Variants in MYH7B observed in about 807,000 individuals in gnomAD.
MYH7B encodes the protein myosin heavy chain 7B.
Under a neutral mutation model 234.5 loss-of-function variants are expected in MYH7B, and 205 were observed. That is an observed-to-expected ratio of 0.87 (90% CI 0.78 to 0.98). MYH7B has a LOEUF of 0.98. Among genes scored for constraint, MYH7B ranks in the 50% least tolerant of loss-of-function variants. The pLI is 0.00. For synonymous variants in MYH7B, 1,193 were observed against 1,105.0 expected, an observed-to-expected ratio of 1.08 and a Z score of -1.58; for missense variants, 2,652 against 2,633.4, an observed-to-expected ratio of 1.01 and a Z score of -0.15.
At chr20:34,977,738 G>GGGGGGGGGGGGGGGGCCCC in intron 4 of MYH7B, 58 bp downstream of exon 4, 1 of 317,136 alleles carries the variant, frequency 3.2e-6, no homozygotes, top group Non-Finnish European at 5.9e-6. Flanking sequence ...GGGCGGGTGG[G>GGGGGGGGGGGGGGGGCCCC]TGAGGGTGCC....
rs2082135825 is a variant in MYH7B at position 34,990,987 on chromosome 20, T to C, written c.2066-17T>C. 3 of 1,603,646 alleles carry C rather than the reference T, an allele frequency of 1.9e-6. No homozygotes were observed. Among genetic ancestry groups the C allele is most frequent in the Admixed American group, 3.4e-5 (2 of 59,476 alleles). ...GTGTGCCTGTTGACCTCTGACCTTT[T>C]CCCCTCTCACGTCCAGGGGTCATGG... is the stretch of plus-strand genomic sequence containing the variant. On this transcript the variant is annotated splice_polypyrimidine_tract_variant and intron_variant, in intron 23 of 44. Transcript: ENST00000262873.
At chr20:34,999,643 A>C (rs927982859) in exon 37 of MYH7B, 9 of 1,613,536 alleles carry the variant, frequency 5.6e-6, no homozygotes, top group Non-Finnish European at 5.9e-6. Flanking sequence ...AAAACCAAGA[A>C]GGCGCTGGAA....
chr20:34,985,226 C>T, intron 13 of MYH7B, 97 bp downstream of exon 13: 1 of 1,166,508 alleles, frequency 8.6e-7, no homozygotes, highest in South Asian at 1.3e-5. Context: ...CTCCTGCCTG[C>T]TCTGGGCACT....
Position 34,989,660 on chromosome 20 carries a change from G to C in MYH7B, c.1588-80G>C, listed in dbSNP as rs1043778816. 42 of 1,400,942 alleles carry C rather than the reference G, an allele frequency of 3.0e-5. No individual in the cohort carries two copies. In the African/African-American group the frequency reaches 6.1e-4, roughly 20 times the overall value. 86.8% of individuals were successfully genotyped at this position (1,400,942 alleles called of 1,614,324 possible). ...ATCTGGGAAGGCTCCCAGAAGGGAG[G>C]TGGCCTGGGGAACCAGGGGTTCAGT... On this transcript the variant is annotated intron_variant, in intron 19 of 44. Coordinates refer to ENST00000262873, the Ensembl canonical transcript of MYH7B.
chr20:34,963,879 C>T (rs999885751), intron 2 of MYH7B, among the ~76,000 whole-genome samples: 1 of 152,032 alleles, frequency 6.6e-6, no homozygotes, highest in Non-Finnish European at 1.5e-5. Flanking sequence ...GTGCAGCTTG[C>T]TTTTCTCTTT....
At chr20:34,984,068 C>T (rs2081979944) in intron 10 of MYH7B, among the ~76,000 whole-genome samples, 1 of 152,192 alleles carries the variant, frequency 6.6e-6, no homozygotes, top group Admixed American at 6.5e-5. Context: ...CCCTGCCGCT[C>T]CTGACTTGCT....
chr20:34,997,296 G>T (rs2082279274), exon 32 of MYH7B: 2 of 1,554,484 alleles, frequency 1.3e-6, no homozygotes, highest in Non-Finnish European at 8.7e-7. Flanking sequence ...AGAGCGGGCA[G>T]CCCGGGCCCG....
At chr20:34,997,896 T>C (rs2082294215) in intron 32 of MYH7B, among the ~76,000 whole-genome samples, 1 of 152,062 alleles carries the variant, frequency 6.6e-6, no homozygotes, top group Admixed American at 6.5e-5. Flanking sequence ...GAACCAGCAG[T>C]AGTTGTGACC....
intron 21 of MYH7B, 34 bp downstream of exon 21, chr20:34,990,180 A>G: frequency 1.9e-6 from 3 of 1,614,012 alleles, no homozygotes; most frequent in Non-Finnish European, 2.5e-6. Flanking sequence ...CCACTCTGAC[A>G]GGGGCCCACA....
At chr20:34,977,573 T>TG (rs1203153586) in intron 3 of MYH7B, 59 bp from the exon 4 acceptor site, 35 of 1,521,260 alleles carry the variant, frequency 2.3e-5, no homozygotes, top group Non-Finnish European at 1.3e-5. Context: ...GTGGCCAGGC[T>TG]GGGGGGGCTG....
chr20:34,999,392 C>G lies in MYH7B; in HGVS notation c.4527C>G (p.Asn1509Lys). Residue 1509 changes from asparagine to lysine, a missense_variant, in exon 36 of 45, where the codon AAC becomes AAG. Physicochemically the swap from Asn to Lys is moderately conservative, Grantham distance 94. Coordinates refer to ENST00000262873, the Ensembl canonical transcript of MYH7B. ...CCCTGGAGACGCTCAAGCGGGAGAA[C>G]AAGAACCTGCAGGGTAGGACCTGCC... 1.3e-6 allele frequency: 2 copies of G among 1,519,970 alleles called. No homozygotes were observed. The highest frequency in any genetic ancestry group is 1.8e-6 in the Non-Finnish European group (2 of 1,133,772). The allele number at this position is 1,519,970 out of a possible 1,614,324, so 94.2% of individuals were successfully genotyped here.
chr20:34,992,951 C>A, intron 24 of MYH7B, 151 bp from the exon 25 acceptor site: 1 of 937,170 alleles, frequency 1.1e-6, no homozygotes, highest in Non-Finnish European at 1.6e-6. Flanking sequence ...TGGCATGTGC[C>A]CTGCTGGAAC....
rs1283176188 is a variant in MYH7B at position 35,001,580 on chromosome 20, G to A, written c.5676+54G>A. On this transcript the variant is annotated intron_variant, in intron 43 of 44. Transcript: ENST00000262873. ...ACCGGGCACCCCAGCTCTGCCCCAG[G>A]GTCTGTGGCCAGGTGAGGCATCAGC... 4.7e-6 allele frequency: 7 copies of A among 1,488,916 alleles called. No individual in the cohort carries two copies. In the African/African-American group the frequency reaches 7.0e-5, roughly 15 times the overall value. The allele number at this position is 1,488,916 out of a possible 1,614,324, so 92.2% of individuals were successfully genotyped here. A position where few individuals can be genotyped will look rare whatever the true frequency, so the allele number is the denominator to read the frequency against.
intron 22 of MYH7B, 161 bp downstream of exon 22, chr20:34,990,471 C>A (rs765769051): frequency 6.4e-6 from 6 of 940,074 alleles, no homozygotes. Flanking sequence ...TGTGCTGCTT[C>A]CCGTCCCTAC....
At chr20:34,988,166 T>C in exon 19 of MYH7B, 1 of 1,614,152 alleles carries the variant, frequency 6.2e-7, no homozygotes, top group South Asian at 1.1e-5. Flanking sequence ...AGCACATGTT[T>C]GTGCTGGAGC....
At position 34,996,724 on chromosome 20, in the gene MYH7B, C is replaced by T; in HGVS notation, c.3232C>T (p.Gln1078Ter). 1 of 1,613,150 alleles carries T rather than the reference C, an allele frequency of 6.2e-7. No homozygotes were observed. The highest frequency in any genetic ancestry group is 8.5e-7 in the Non-Finnish European group (1 of 1,179,852). The change falls in exon 30 of 45, where the codon CAA becomes TAA. Residue 1078 changes from glutamine to a stop codon, truncating the protein, a stop_gained. Transcript: ENST00000262873. LOFTEE classifies it high-confidence loss of function. ...GCAGGAGTCGGTGGCTGATGCTGCT[C>T]AAGACAAGCAGCAGCTGGAGGAGAA... is the stretch of plus-strand genomic sequence containing the variant.
chr20:34,972,771 G>A (rs888821183), intron 2 of MYH7B, among the ~76,000 whole-genome samples: 3 of 152,048 alleles, frequency 2.0e-5, no homozygotes, highest in Non-Finnish European at 2.9e-5. Context: ...AGCTGAGATT[G>A]TAGGCGTGTA....
chr20:34,957,441 C>G (rs1007430925), intron 1 of MYH7B, among the ~76,000 whole-genome samples: 2 of 149,200 alleles, frequency 1.3e-5, no homozygotes. Context: ...TCCTAGTGAT[C>G]GTAAATCAGT....
chr20:34,978,900 T>C (rs2081897737), intron 5 of MYH7B, among the ~76,000 whole-genome samples: 1 of 152,036 alleles, frequency 6.6e-6, no homozygotes, highest in Non-Finnish European at 1.5e-5. Context: ...CACCATGAAA[T>C]CTGGGCTCCT....
Sources: gnomAD v4.1 joint callset for allele counts (sites outside exome capture counted in the v4.1 genomes callset) on GRCh38, gnomAD v4.1.1 for gene constraint, MANE v1.5 for transcripts, NCBI Gene and HGNC (gene_info 2026-07-23, HGNC 2026-07-21) for gene names.